Variants in SNX31 observed in about 807,000 individuals in gnomAD.
SNX31 encodes sorting nexin 31.
In SNX31, 58 loss-of-function variants were observed where a neutral mutation model predicts 65.4. The ratio of observed to expected loss-of-function variants is 0.89; its 90% confidence interval spans 0.72 to 1.10. The LOEUF is 1.10. SNX31 is among the 50% of genes least tolerant of loss of function. The pLI, the probability that SNX31 is intolerant of heterozygous loss-of-function variation, is 0.00. For missense variants in SNX31, 523 were observed against 529.7 expected (o/e 0.99, Z 0.12); for synonymous variants, 181 against 190.1 (o/e 0.95, Z 0.39).
At position 100,604,237 on chromosome 8, in the gene SNX31, T is replaced by A. The variant is rs1321545632; in HGVS notation, c.682-3796A>T. Among the ~76,000 whole-genome samples the A allele has an allele frequency of 6.6e-6, 1 of 151,512 alleles. No individual in the cohort carries two copies. Among genetic ancestry groups the A allele is most frequent in the Non-Finnish European group, 1.5e-5 (1 of 67,856 alleles). Reference sequence around the variant, plus strand: ...AGAATTGAACTTAAAAAATCAAGCATCCTAAAGGTGCTGCAGATAGAAAAA... The same window carrying A: ...AGAATTGAACTTAAAAAATCAAGCAACCTAAAGGTGCTGCAGATAGAAAAA... On this transcript the variant is annotated intron_variant, in intron 8 of 13. Coordinates refer to ENST00000311812, the MANE Select transcript of SNX31 (RefSeq NM_152628.4). This position sits in a 1 kb window ranked among gnomAD's most constrained non-coding sequence, Gnocchi z 4.3.
At chr8:100,657,819 C>T (rs1820075785) in intron 1 of SNX31, 1 of 455,050 alleles carries the variant, frequency 2.2e-6, no homozygotes, top group Non-Finnish European at 4.4e-6. Context: ...TGCAGTAAGC[C>T]AAGATCGCCC....
At chr8:100,639,510 G>A (rs1819008419) in intron 2 of SNX31, among the ~76,000 whole-genome samples, 2 of 151,678 alleles carry the variant, frequency 1.3e-5, no homozygotes, top group South Asian at 4.2e-4. Flanking sequence ...GTGGGAGTCA[G>A]GTTTCCAACT....
chr8:100,613,037 C>T lies in SNX31; in HGVS notation c.481G>A (p.Gly161Ser), dbSNP rs775731102. 29 of 1,613,880 alleles carry T rather than the reference C, an allele frequency of 1.8e-5. No homozygotes were observed. Among genetic ancestry groups the T allele is most frequent in the South Asian group, 7.7e-5 (7 of 91,082 alleles). ...GLCRELLGYF[G>S]LFLIRFGKEG... ...TTGCCAAACCGAATGAGAAAGAGGC[C>T]GAAGTAGCCCAAGAGCTCTCGACAC... Residue 161 changes from glycine to serine, a missense_variant, in exon 6 of 14, where the codon GGC becomes AGC. Transcript: ENST00000311812. This position sits in a 1 kb window ranked among gnomAD's most constrained non-coding sequence, Gnocchi z 5.2.
At position 100,596,702 on chromosome 8, in the gene SNX31, G is replaced by A. The variant is rs1262303197; in HGVS notation, c.915C>T (p.Asp305=). The change falls in exon 10 of 14, where the codon GAC becomes GAT. Residue 305 remains aspartate, a synonymous_variant. Transcript: ENST00000311812. ...NEISCCITLP[D]SQTQDIVFQM... is the part of the protein sequence containing the mutation. ...GGAAAACGATGTCCTGGGTCTGGCT[G>A]TCAGGCAGGGTGATGCAGCAGCTGA... The A allele has an allele frequency of 2.5e-6, 4 of 1,614,076 alleles. No individual in the cohort carries two copies. In the East Asian group the frequency reaches 6.7e-5, roughly 27 times the overall value.
At chr8:100,645,559 CTTTGTA>C (rs1204735045) in intron 2 of SNX31, among the ~76,000 whole-genome samples, 1 of 148,820 alleles carries the variant, frequency 6.7e-6, no homozygotes, top group African/African-American at 2.5e-5. Flanking sequence ...AATTGGGAGA[CTTTGTA>C]TTTGTATTTG....
intron 3 of SNX31, among the ~76,000 whole-genome samples, chr8:100,632,599 A>G (rs1382175756): frequency 6.6e-6 from 1 of 152,120 alleles, no homozygotes; most frequent in East Asian, 1.9e-4. Flanking sequence ...TACAAAGGAC[A>G]TTAGTATAAT....
chr8:100,593,611 G>A (rs375170409), intron 10 of SNX31, among the ~76,000 whole-genome samples: 74 of 151,972 alleles, frequency 4.9e-4, no homozygotes, highest in Non-Finnish European at 1.0e-3. Flanking sequence ...GCCCCACCAC[G>A]CCCAGCTAAT....
chr8:100,593,912 G>A (rs865951144), intron 10 of SNX31, among the ~76,000 whole-genome samples: 5 of 152,074 alleles, frequency 3.3e-5, no homozygotes, highest in African/African-American at 7.2e-5. Context: ...TGGACTTGAC[G>A]GCAAAAGCAC....
intron 2 of SNX31, among the ~76,000 whole-genome samples, chr8:100,644,656 G>A (rs1819504642): frequency 6.6e-6 from 1 of 152,130 alleles, no homozygotes; most frequent in African/African-American, 2.4e-5. Flanking sequence ...CCAAGGTCCA[G>A]CTTTTCTTTG....
intron 12 of SNX31, among the ~76,000 whole-genome samples, chr8:100,583,106 T>C (rs1461739951): frequency 2.7e-5 from 4 of 150,892 alleles, no homozygotes; most frequent in Non-Finnish European, 5.9e-5. Context: ...TGGTATTTCT[T>C]TCTTTCTTTT....
At chr8:100,589,495 G>A (rs545344763) in intron 10 of SNX31, among the ~76,000 whole-genome samples, 2 of 152,202 alleles carry the variant, frequency 1.3e-5, no homozygotes, top group Non-Finnish European at 2.9e-5. Context: ...ACCTAACCCA[G>A]GCTAGGAGGG....
chr8:100,640,381 C>A (rs940896417), intron 2 of SNX31, among the ~76,000 whole-genome samples: 1 of 152,234 alleles, frequency 6.6e-6, no homozygotes, highest in Admixed American at 6.5e-5. Flanking sequence ...CCACCTTGGC[C>A]TCCCAAAATG....
chr8:100,636,142 A>G, intron 2 of SNX31, 131 bp from the exon 3 acceptor site: 2 of 610,558 alleles, frequency 3.3e-6, no homozygotes, highest in Non-Finnish European at 5.8e-6. Flanking sequence ...TGGTAGCCCA[A>G]AGGGGGAAAA....
intron 4 of SNX31, among the ~76,000 whole-genome samples, chr8:100,628,810 A>ATGGGTG (rs1156943831): frequency 2.1e-5 from 3 of 142,092 alleles, no homozygotes; most frequent in African/African-American, 7.9e-5. Context: ...GTAAAATAAA[A>ATGGGTG]TGGGTGTGTG....
In SNX31 at chr8:100,608,595, T is replaced by C. The variant is rs751722443; in HGVS notation, c.612-32A>G. On this transcript the variant is annotated intron_variant, in intron 7 of 13. Transcript: ENST00000311812. ...AATTCAGGAGTGTGAAATTCATTCC[T>C]GTGACATGGCCCATGGGCACACCTG... 4 of 1,608,804 alleles carry C rather than the reference T, an allele frequency of 2.5e-6. No homozygotes were observed. In the South Asian group the frequency reaches 3.3e-5, roughly 13 times the overall value.
At chr8:100,632,015 G>A (rs7838119) in intron 3 of SNX31, among the ~76,000 whole-genome samples, 23,819 of 152,118 alleles carry the variant, frequency 0.16, 2,121 homozygotes, top group South Asian at 0.25. Flanking sequence ...TATTATTTCT[G>A]TTTCACGGAT....
rs1178098026 is a variant in SNX31, at chr8:100,613,767, C to CCCTGGTG, written c.433-683_433-682insCACCAGG. On this transcript the variant is annotated intron_variant, in intron 5 of 13. Coordinates refer to ENST00000311812, the MANE Select transcript of SNX31 (RefSeq NM_152628.4). The surrounding 1 kb of genome is among the most constrained non-coding windows in gnomAD (Gnocchi z 5.2). ...ATCAGCCTACCAGGGTGTCACCTCA[C>CCCTGGTG]AGCATTGGACATCTACTCACGCTCC... Among the ~76,000 whole-genome samples the CCCTGGTG allele has an allele frequency of 6.6e-6, 1 of 152,204 alleles. No homozygotes were observed. Among genetic ancestry groups the CCCTGGTG allele is most frequent in the East Asian group, 1.9e-4 (1 of 5,194 alleles).
At chr8:100,661,278 T>A (rs889912823) in intron 1 of SNX31, among the ~76,000 whole-genome samples, 1 of 152,044 alleles carries the variant, frequency 6.6e-6, no homozygotes. Flanking sequence ...AGTGCTGGGA[T>A]TACAGGCGTG....
chr8:100,614,189 C>G lies in SNX31; in HGVS notation c.433-1104G>C, dbSNP rs889342915. 6.6e-6 allele frequency among the ~76,000 whole-genome samples: 1 copy of G among 152,170 alleles called. No homozygotes were observed. The highest frequency in any genetic ancestry group is 1.5e-5 in the Non-Finnish European group (1 of 68,042). On this transcript the variant is annotated intron_variant, in intron 5 of 13. Coordinates refer to ENST00000311812, the MANE Select transcript of SNX31 (RefSeq NM_152628.4). The surrounding 1 kb of genome is among the most constrained non-coding windows in gnomAD (Gnocchi z 5.1). ...CCCCTTCTTTCTGTCTCTCTCTTTC[C>G]CCCATGTTTTGGGCTGCAAAACACC... is the stretch of plus-strand genomic sequence containing the variant.
Sources: allele counts gnomAD v4.1 joint callset (sites outside exome capture counted in the v4.1 genomes callset), GRCh38; gene constraint gnomAD v4.1.1; non-coding constraint Gnocchi (gnomAD v3.1); transcripts MANE v1.5; gene names NCBI Gene and HGNC (gene_info 2026-07-23, HGNC 2026-07-21).